TRERF1: variants seen among roughly 807,000 people sequenced by gnomAD.
The protein encoded by TRERF1 is transcriptional regulating factor 1.
In TRERF1, 27 loss-of-function variants were observed where a neutral mutation model predicts 122.9. The ratio of observed to expected loss-of-function variants is 0.22; its 90% confidence interval spans 0.16 to 0.30. The LOEUF is 0.30. Among genes scored for constraint, TRERF1 ranks in the 10% least tolerant of loss-of-function variants. The pLI, the probability that TRERF1 is intolerant of heterozygous loss-of-function variation, is 1.00. For synonymous variants in TRERF1, 636 were observed against 641.7 expected (o/e 0.99, Z 0.13); for missense variants, 1,248 against 1,560.3 (o/e 0.80, Z 3.37).
At chr6:42,433,886 A>G (rs960725728) in intron 2 of TRERF1, among the ~76,000 whole-genome samples, 1 of 152,068 alleles carries the variant, frequency 6.6e-6, no homozygotes, top group Non-Finnish European at 1.5e-5. Flanking sequence ...TTATCCAAGC[A>G]TGGTGGAGCA....
chr6:42,239,809 T>A (rs1773218344), intron 15 of TRERF1, among the ~76,000 whole-genome samples: 1 of 152,062 alleles, frequency 6.6e-6, no homozygotes, highest in African/African-American at 2.4e-5. Flanking sequence ...GTGCACACAG[T>A]GCCCACAAAG....
At position 42,243,970 on chromosome 6, in the gene TRERF1, C is replaced by T. The variant is rs568542713; in HGVS notation, c.2746-609G>A. Among the ~76,000 whole-genome samples the T allele has an allele frequency of 2.1e-4, 32 of 151,582 alleles. No individual in the cohort carries two copies. In the South Asian group the frequency reaches 5.9e-3, roughly 28 times the overall value. On this transcript the variant is annotated intron_variant, in intron 14 of 17. Transcript: ENST00000372922. Reference sequence around the variant, plus strand: ...CTTGGCTCACTGCAACCTCCACCTCCGAGATTCAAGCAATTCTCCTGCCTT... The same window carrying T: ...CTTGGCTCACTGCAACCTCCACCTCTGAGATTCAAGCAATTCTCCTGCCTT...
At chr6:42,343,051 C>T (rs534759510) in intron 3 of TRERF1, among the ~76,000 whole-genome samples, 1 of 152,198 alleles carries the variant, frequency 6.6e-6, no homozygotes, top group South Asian at 2.1e-4. Context: ...GCTGCCCCAC[C>T]TCACATTGAC....
chr6:42,276,383 C>G lies in TRERF1; in HGVS notation c.-258-6535G>C, dbSNP rs115641927. 9.5e-3 allele frequency among the ~76,000 whole-genome samples: 1,446 copies of G among 152,302 alleles called. 9 individuals carry two copies. The highest frequency in any genetic ancestry group is 0.016 in the Admixed American group (249 of 15,298). ...CAAAAAGATTTTCCTTTTTCTGACC[C>G]CGGGCAGTCAGTTAGAGACTGTATA... On this transcript the variant is annotated intron_variant, in intron 4 of 17. Transcript: ENST00000372922. This position sits in a 1 kb window ranked among gnomAD's most constrained non-coding sequence, Gnocchi z 4.3.
At chr6:42,392,367 T>A (rs947830388) in intron 2 of TRERF1, among the ~76,000 whole-genome samples, 1 of 152,126 alleles carries the variant, frequency 6.6e-6, no homozygotes, top group Non-Finnish European at 1.5e-5. Flanking sequence ...GAGTGATCAT[T>A]AAACAAGAAA....
At chr6:42,288,445 G>A (rs1783659415) in intron 4 of TRERF1, among the ~76,000 whole-genome samples, 1 of 152,012 alleles carries the variant, frequency 6.6e-6, no homozygotes, top group African/African-American at 2.4e-5. Context: ...GCACTTGCCT[G>A]TAATCTCAGC....
intron 2 of TRERF1, among the ~76,000 whole-genome samples, chr6:42,401,895 A>C (rs759718143): frequency 7.9e-5 from 12 of 152,264 alleles, no homozygotes; most frequent in Non-Finnish European, 1.8e-4. Flanking sequence ...GCAGGCAGAC[A>C]GGAGCCAACT....
At chr6:42,312,579 T>G (rs912670991) in intron 3 of TRERF1, among the ~76,000 whole-genome samples, 1 of 152,146 alleles carries the variant, frequency 6.6e-6, no homozygotes, top group Admixed American at 6.5e-5. Context: ...TTATGATGGG[T>G]CAAAGCAGAC....
At chr6:42,296,906 T>G (rs992559057) in intron 4 of TRERF1, among the ~76,000 whole-genome samples, 1 of 152,086 alleles carries the variant, frequency 6.6e-6, no homozygotes, top group Non-Finnish European at 1.5e-5. Context: ...AGCCACAAAA[T>G]ATGGAGAAGC....
rs1200492727 is a variant in TRERF1, at chr6:42,262,555, G to C, written c.1884+765C>G. ...AGAGAGAGAGAGAGAGAGAGAGAGA[G>C]AGAGAGAGAGAGAGAGAGAGAGAGA... On this transcript the variant is annotated intron_variant, in intron 8 of 17. Transcript: ENST00000372922. Among the ~76,000 whole-genome samples, 29 of 128,732 alleles carry C rather than the reference G, an allele frequency of 2.3e-4. 2 individuals carry two copies. The highest frequency in any genetic ancestry group is 9.7e-4 in the East Asian group (4 of 4,132). The allele number at this position is 128,732 out of a possible 152,430, so 84.5% of individuals were successfully genotyped here. A position where few individuals can be genotyped will look rare whatever the true frequency, so the allele number is the denominator to read the frequency against.
chr6:42,339,965 C>A (rs1766939185), intron 3 of TRERF1, among the ~76,000 whole-genome samples: 1 of 152,186 alleles, frequency 6.6e-6, no homozygotes, highest in Admixed American at 6.5e-5. Flanking sequence ...CTGCGACCAT[C>A]AACATGTCTT....
intron 3 of TRERF1, among the ~76,000 whole-genome samples, chr6:42,339,773 G>A (rs573439711): frequency 2.0e-5 from 3 of 152,310 alleles, no homozygotes; most frequent in African/African-American, 7.2e-5. Context: ...GAAACACAAT[G>A]TATGAATTAG....
intron 2 of TRERF1, among the ~76,000 whole-genome samples, chr6:42,403,958 C>T (rs1304093866): frequency 2.0e-5 from 3 of 152,094 alleles, no homozygotes; most frequent in Non-Finnish European, 2.9e-5. Flanking sequence ...CCACAGAGCC[C>T]GCTTGCAGAG....
intron 2 of TRERF1, among the ~76,000 whole-genome samples, chr6:42,390,533 G>A (rs73733169): frequency 0.083 from 12,616 of 152,184 alleles, 759 homozygotes; most frequent in African/African-American, 0.16. Flanking sequence ...TCCTCACCTC[G>A]TAACTTTTTA....
chr6:42,433,839 C>G (rs1304232373), intron 2 of TRERF1, among the ~76,000 whole-genome samples: 1 of 151,886 alleles, frequency 6.6e-6, no homozygotes, highest in African/African-American at 2.4e-5. Context: ...ATAAACAGAG[C>G]AAGACCCCAT....
intron 2 of TRERF1, among the ~76,000 whole-genome samples, chr6:42,440,814 T>C (rs916158282): frequency 1.3e-5 from 2 of 152,064 alleles, no homozygotes; most frequent in African/African-American, 4.8e-5. Context: ...TACAAACTGA[T>C]TGGAGAAAGA....
At chr6:42,251,067 G>A (rs1775715117) in intron 13 of TRERF1, among the ~76,000 whole-genome samples, 1 of 136,952 alleles carries the variant, frequency 7.3e-6, no homozygotes, top group East Asian at 2.2e-4. Context: ...CGTGATCTCA[G>A]CTCACTATAG....
At chr6:42,410,793 T>C (rs893407221) in intron 2 of TRERF1, among the ~76,000 whole-genome samples, 1 of 152,224 alleles carries the variant, frequency 6.6e-6, no homozygotes, top group African/African-American at 2.4e-5. Flanking sequence ...AGATGTGCAA[T>C]AAACATTTCC....
At chr6:42,321,229 C>T (rs616042) in intron 3 of TRERF1, among the ~76,000 whole-genome samples, 16,279 of 151,272 alleles carry the variant, frequency 0.11, 1,908 homozygotes, top group African/African-American at 0.27. Flanking sequence ...CCCCTAAACC[C>T]CACCCTGAAA....
Sources: allele counts gnomAD v4.1 joint callset (sites outside exome capture counted in the v4.1 genomes callset), GRCh38; gene constraint gnomAD v4.1.1; non-coding constraint Gnocchi (gnomAD v3.1); transcripts MANE v1.5; gene names NCBI Gene and HGNC (gene_info 2026-07-23, HGNC 2026-07-21).